The following DIP2C variants were observed in gnomAD, a reference collection of about 807,000 sequenced individuals.
The protein encoded by DIP2C is DIP2 acetate--CoA ligase C (putative).
Under a neutral mutation model 192.4 loss-of-function variants are expected in DIP2C, and 33 were observed. The ratio of observed to expected loss-of-function variants is 0.17; its 90% CI spans 0.13 to 0.23. The LOEUF is 0.23. Ranked by LOEUF, DIP2C falls within the 10% of genes least tolerant of loss-of-function variation. The pLI is 1.00. For synonymous variants in DIP2C, 979 were observed against 864.1 expected (o/e 1.13, Z -2.33); for missense variants, 1,537 against 2,110.1 (o/e 0.73, Z 5.32).
chr10:504,187 G>T (rs546531739), intron 1 of DIP2C, among the ~76,000 whole-genome samples: 1 of 152,198 alleles, frequency 6.6e-6, no homozygotes, highest in Non-Finnish European at 1.5e-5. Context: ...CCTTGGGCTG[G>T]AGACCCACAG....
intron 1 of DIP2C, among the ~76,000 whole-genome samples, chr10:548,069 C>T (rs547814422): frequency 1.3e-5 from 2 of 152,214 alleles, no homozygotes; most frequent in East Asian, 3.9e-4. Context: ...GCTTGTGTTG[C>T]CTCATTGGCT....
chr10:314,234 G>A (rs1338470365), intron 31 of DIP2C, among the ~76,000 whole-genome samples: 2 of 152,188 alleles, frequency 1.3e-5, no homozygotes, highest in Non-Finnish European at 2.9e-5. Context: ...TACTCCCAGT[G>A]ATCTTTTCAA....
intron 1 of DIP2C, among the ~76,000 whole-genome samples, chr10:686,935 T>C (rs1831361022): frequency 6.6e-6 from 1 of 152,274 alleles, no homozygotes; most frequent in Admixed American, 6.5e-5. Flanking sequence ...TGCTCTACTC[T>C]TTCCTTCAGT....
At chr10:321,244 G>A (rs920302562) in intron 31 of DIP2C, among the ~76,000 whole-genome samples, 15 of 152,224 alleles carry the variant, frequency 9.9e-5, no homozygotes, top group Admixed American at 3.9e-4. Context: ...AACTGCATGC[G>A]GCTTCGCCCT....
At chr10:423,071 C>T in intron 4 of DIP2C, 38 bp from the exon 5 acceptor site, 1 of 1,534,832 alleles carries the variant, frequency 6.5e-7, no homozygotes, top group South Asian at 1.3e-5. Context: ...TATGTTGCAG[C>T]AAAAACGTGC....
chr10:531,308 A>T (rs964901870), intron 1 of DIP2C, among the ~76,000 whole-genome samples: 2 of 152,082 alleles, frequency 1.3e-5, no homozygotes, highest in Non-Finnish European at 2.9e-5. Flanking sequence ...AACCTGATGA[A>T]CACACACAGC....
intron 1 of DIP2C, among the ~76,000 whole-genome samples, chr10:543,524 G>A (rs927000407): frequency 6.6e-6 from 1 of 152,190 alleles, no homozygotes; most frequent in African/African-American, 2.4e-5. Context: ...TTACATGTCC[G>A]TTTTCCCTGA....
intron 1 of DIP2C, chr10:669,444 G>T (rs1186758746): frequency 6.6e-6 from 1 of 152,186 alleles, no homozygotes. Flanking sequence ...TGGTAACAGT[G>T]TTAGCGCTTT....
intron 8 of DIP2C, among the ~76,000 whole-genome samples, chr10:409,681 G>C (rs1187727799): frequency 6.6e-6 from 1 of 152,214 alleles, no homozygotes; most frequent in Non-Finnish European, 1.5e-5. Context: ...GGTCTCACGT[G>C]AATGTGAGCA....
At chr10:406,004 A>C (rs1964781139) in intron 9 of DIP2C, among the ~76,000 whole-genome samples, 1 of 152,208 alleles carries the variant, frequency 6.6e-6, no homozygotes, top group African/African-American at 2.4e-5. Context: ...CAACCAAGCC[A>C]AACCAATCCC....
intron 1 of DIP2C, among the ~76,000 whole-genome samples, chr10:617,223 GCCC>G (rs199887060): frequency 2.0e-5 from 1 of 49,718 alleles, no homozygotes; most frequent in East Asian, 5.5e-4. Context: ...CACGACCTCC[GCCC>G]CCCACTACCG....
chr10:314,318 C>T (rs1956683813), intron 31 of DIP2C, among the ~76,000 whole-genome samples: 1 of 152,182 alleles, frequency 6.6e-6, no homozygotes, highest in African/African-American at 2.4e-5. Flanking sequence ...GGAAAAGGAC[C>T]AGTGCTTGGT....
intron 1 of DIP2C, among the ~76,000 whole-genome samples, chr10:556,711 C>T (rs761249663): frequency 6.6e-6 from 1 of 152,110 alleles, no homozygotes; most frequent in Non-Finnish European, 1.5e-5. Flanking sequence ...CTGGAATCAA[C>T]AGCCCCAGAC....
At chr10:384,195 C>A in intron 15 of DIP2C, 49 bp from the exon 16 acceptor site, 2 of 1,597,746 alleles carry the variant, frequency 1.3e-6, no homozygotes, top group Non-Finnish European at 8.5e-7. Flanking sequence ...GTCAGATCGT[C>A]CCCTATTGCA....
intron 1 of DIP2C, among the ~76,000 whole-genome samples, chr10:512,042 G>A (rs576129186): frequency 5.9e-5 from 9 of 152,284 alleles, no homozygotes; most frequent in South Asian, 2.1e-4. Context: ...CGTTAGGGTC[G>A]CCCACAGACG....
intron 1 of DIP2C, among the ~76,000 whole-genome samples, chr10:684,218 T>C (rs1274639218): frequency 6.6e-6 from 1 of 152,290 alleles, no homozygotes; most frequent in Non-Finnish European, 1.5e-5. Flanking sequence ...GTGCTGCCAC[T>C]GTGCAGGTCA....
In DIP2C at chr10:384,550, G is replaced by A; in HGVS notation, c.1752C>T (p.Tyr584=). 1 of 1,613,748 alleles carries A rather than the reference G, an allele frequency of 6.2e-7. No individual in the cohort carries two copies. The change falls in exon 15 of 37, where the codon TAC becomes TAT. Residue 584 remains tyrosine, a synonymous_variant. Transcript: ENST00000280886. ...PLSWIQKVCQ[Y]KAKVACVKSR... ...ACTGCGCCCGGCGAGACCCACCTTT[G>A]TACTGGCAGACCTTCTGGATCCAGG...
chr10:344,703 C>G, intron 28 of DIP2C, 106 bp downstream of exon 28: 1 of 898,404 alleles, frequency 1.1e-6, no homozygotes, highest in Non-Finnish European at 1.8e-6. Context: ...CTTTCCACAT[C>G]TCAGTCTGAC....
At chr10:671,377 CCACAGACGCACGGACGGAGGAAACGT>C (rs1564329617) in intron 1 of DIP2C, among the ~76,000 whole-genome samples, 84 of 117,488 alleles carry the variant, frequency 7.1e-4, no homozygotes, top group East Asian at 2.6e-3. Context: ...AGGAAACAGG[CCACAGACGCACGGACGGAGGAAACGT>C]CACAGACGCA....
Sources: allele counts gnomAD v4.1 joint callset (sites outside exome capture counted in the v4.1 genomes callset), GRCh38; gene constraint gnomAD v4.1.1; transcripts MANE v1.5; gene names NCBI Gene and HGNC (gene_info 2026-07-23, HGNC 2026-07-21).